The following GPR63 variants were observed in gnomAD, a reference collection of about 807,000 sequenced individuals.
The protein encoded by GPR63 is G protein-coupled receptor 63, also known as probable G protein-coupled receptor 63.
GPR63 carries 12 observed loss-of-function variants against 23.1 expected under a neutral mutation model. The observed-to-expected ratio is 0.52, with a 90% CI of 0.33 to 0.84. The LOEUF (loss-of-function observed/expected upper bound fraction) is 0.84, where lower values mean the gene tolerates loss of function less well. Ranked by LOEUF, GPR63 falls within the 40% of genes least tolerant of loss-of-function variation. GPR63 has a pLI of 0.02. For missense variants in GPR63, 472 were observed against 515.6 expected (o/e 0.92, Z 0.82); for synonymous variants, 172 against 191.1 (o/e 0.90, Z 0.82).
Position 96,798,485 on chromosome 6 carries a change from C to G in GPR63, c.1247G>C (p.Arg416Pro). Residue 416 changes from arginine (R) to proline (P), a missense_variant, in exon 2 of 2, where the codon CGG becomes CCG. Arg to Pro is a moderately radical substitution (Grantham distance 103). Transcript: ENST00000229955. ...CAGTTCCAATATTCACACCACCGTCCGATGTTCCCCACACACATAGACAGC... is the reference window on the plus strand; with the variant it reads ...CAGTTCCAATATTCACACCACCGTCGGATGTTCCCCACACACATAGACAGC... Reference protein sequence around the residue: ...PSAVYVCGEHRTVV With the variant: ...PSAVYVCGEHPTVV 6.2e-7 allele frequency: 1 copy of G among 1,612,518 alleles called. No individual in the cohort carries two copies. The highest frequency in any genetic ancestry group is 8.5e-7 in the Non-Finnish European group (1 of 1,178,740).
chr6:96,806,131 G>T (rs1344277735), intron 1 of GPR63, among the ~76,000 whole-genome samples: 1 of 152,194 alleles, frequency 6.6e-6, no homozygotes, highest in Non-Finnish European at 1.5e-5. Flanking sequence ...TCCATAGAAT[G>T]TTATGCTGTC....
chr6:96,824,392 A>C (rs1346015098), intron 1 of GPR63, among the ~76,000 whole-genome samples: 1 of 152,002 alleles, frequency 6.6e-6, no homozygotes, highest in Non-Finnish European at 1.5e-5. Flanking sequence ...GAATTCATCT[A>C]AACAAAATCT....
At position 96,799,532 on chromosome 6, in the gene GPR63, G is replaced by A. The variant is rs967832635; in HGVS notation, c.200C>T (p.Pro67Leu). ...GCTCTTAAATGCTGCTGGTGTTGTG[G>A]GCACAGCTGTACTATTCACGGTCAA... ...SSLTVNSTAVPTTPAAFKSLN... is the reference protein window; with the variant it reads ...SSLTVNSTAVLTTPAAFKSLN... The change falls in exon 2 of 2, where the codon CCC (proline) becomes CTC (leucine). Residue 67 changes from proline to leucine, a missense_variant. Coordinates refer to ENST00000229955, the MANE Select transcript of GPR63 (RefSeq NM_030784.4). 4.3e-6 allele frequency: 7 copies of A among 1,614,078 alleles called. No homozygotes were observed. The highest frequency in any genetic ancestry group is 1.3e-5 in the African/African-American group (1 of 75,020).
chr6:96,809,374 G>C (rs1773982086), intron 1 of GPR63, among the ~76,000 whole-genome samples: 1 of 152,106 alleles, frequency 6.6e-6, no homozygotes, highest in Non-Finnish European at 1.5e-5. Flanking sequence ...AGAGATAGGA[G>C]CACCACATTA....
intron 1 of GPR63, among the ~76,000 whole-genome samples, chr6:96,822,898 G>C (rs12215078): frequency 0.27 from 40,981 of 152,088 alleles, 5,575 homozygotes; most frequent in South Asian, 0.31. Context: ...TGACATTTTA[G>C]CTAAGGGCAG....
chr6:96,808,096 T>C (rs369787467), intron 1 of GPR63, among the ~76,000 whole-genome samples: 1 of 152,204 alleles, frequency 6.6e-6, no homozygotes, highest in African/African-American at 2.4e-5. Context: ...ATCACATGTA[T>C]GTTTTCAAAA....
chr6:96,810,587 T>A (rs1365414084), intron 1 of GPR63, among the ~76,000 whole-genome samples: 2 of 151,292 alleles, frequency 1.3e-5, no homozygotes, highest in South Asian at 4.2e-4. Flanking sequence ...TAGGTCAATC[T>A]AGAATAGTGA....
At chr6:96,817,470 A>G (rs532258808) in intron 1 of GPR63, among the ~76,000 whole-genome samples, 4 of 152,312 alleles carry the variant, frequency 2.6e-5, no homozygotes, top group Admixed American at 2.0e-4. Flanking sequence ...ATTTGTAGTT[A>G]TGCCTGCTCT....
chr6:96,831,050 A>G (rs965903287), intron 1 of GPR63, among the ~76,000 whole-genome samples: 2 of 152,236 alleles, frequency 1.3e-5, no homozygotes, highest in Non-Finnish European at 2.9e-5. Context: ...TAAACCTTCC[A>G]AATTTATTTT....
At chr6:96,831,053 T>A (rs1031132366) in intron 1 of GPR63, among the ~76,000 whole-genome samples, 1 of 152,198 alleles carries the variant, frequency 6.6e-6, no homozygotes, top group Non-Finnish European at 1.5e-5. Flanking sequence ...ACCTTCCAAA[T>A]TTATTTTAAA....
intron 1 of GPR63, among the ~76,000 whole-genome samples, 192 bp downstream of exon 1, chr6:96,837,076 C>T (rs1293770556): frequency 1.3e-5 from 2 of 152,162 alleles, no homozygotes; most frequent in Non-Finnish European, 2.9e-5. Flanking sequence ...AACTCCAGTC[C>T]AGCTGCAAAA....
chr6:96,798,478 C>G lies in GPR63; in HGVS notation c.1254G>C (p.Val418=). 1 of 1,611,222 alleles carries G rather than the reference C, an allele frequency of 6.2e-7. No homozygotes were observed. Among genetic ancestry groups the G allele is most frequent in the Non-Finnish European group, 8.5e-7 (1 of 1,177,862 alleles). Residue 418 remains valine, a synonymous_variant, in exon 2 of 2, where the codon GTG becomes GTC. Coordinates refer to ENST00000229955, the MANE Select transcript of GPR63 (RefSeq NM_030784.4). ...TGTCAGCCAGTTCCAATATTCACACCACCGTCCGATGTTCCCCACACACAT... is the reference window on the plus strand; with the variant it reads ...TGTCAGCCAGTTCCAATATTCACACGACCGTCCGATGTTCCCCACACACAT... The part of the protein sequence containing the change: ...AVYVCGEHRT[V]V
At chr6:96,832,794 T>TAA (rs35478941) in intron 1 of GPR63, among the ~76,000 whole-genome samples, 11 of 148,044 alleles carry the variant, frequency 7.4e-5, no homozygotes, top group Admixed American at 2.7e-4. Flanking sequence ...AAATACAAGT[T>TAA]AAAAAAAAAA....
intron 1 of GPR63, among the ~76,000 whole-genome samples, chr6:96,811,096 G>A (rs1490827420): frequency 6.6e-6 from 1 of 152,082 alleles, no homozygotes; most frequent in Admixed American, 6.6e-5. Context: ...AGCTTCCCAG[G>A]GCTCCCAGCA....
In GPR63 at chr6:96,796,290, C is replaced by T. The variant is rs1024696222; in HGVS notation, c.*2182G>A. 2 of 152,176 alleles carry T rather than the reference C, an allele frequency of 1.3e-5. No individual in the cohort carries two copies. Among genetic ancestry groups the T allele is most frequent in the Non-Finnish European group, 2.9e-5 (2 of 68,036 alleles). The allele number at this position is 152,176 out of a possible 1,614,324, so 9.4% of individuals were successfully genotyped here. A position where few individuals can be genotyped will look rare whatever the true frequency, so the allele number is the denominator to read the frequency against. On this transcript the variant is annotated 3_prime_UTR_variant, in exon 2 of 2. Transcript: ENST00000229955. ...CTATACCCTAGTATAGAGGAAAGCA[C>T]ATTTGAGCTGGACAGGACGTTAGAG...
Position 96,799,853 on chromosome 6 carries a change from A to C in GPR63, c.-122T>G. On this transcript the variant is annotated 5_prime_UTR_variant, in exon 2 of 2. Transcript: ENST00000229955. ...AATACATTCTGGAAAATGGACAATG[A>C]GTTCCATCTTCCACAAGAGTCCTTT... The C allele has an allele frequency of 1.1e-6, 1 of 949,826 alleles. No individual in the cohort carries two copies. Among genetic ancestry groups the C allele is most frequent in the Non-Finnish European group, 1.7e-6 (1 of 602,642 alleles). 58.8% of individuals were successfully genotyped at this position (949,826 alleles called of 1,614,324 possible).
At chr6:96,828,648 T>G (rs971126953) in intron 1 of GPR63, among the ~76,000 whole-genome samples, 1 of 149,376 alleles carries the variant, frequency 6.7e-6, no homozygotes, top group Admixed American at 6.7e-5. Flanking sequence ...AAAAGCAGAA[T>G]AGAAAATACA....
At chr6:96,823,621 T>C (rs1219492062) in intron 1 of GPR63, among the ~76,000 whole-genome samples, 1 of 152,114 alleles carries the variant, frequency 6.6e-6, no homozygotes, top group East Asian at 1.9e-4. Flanking sequence ...CCTAGGTATA[T>C]TGTGTTTATA....
intron 1 of GPR63, 110 bp from the exon 2 acceptor site, chr6:96,799,991 C>G (rs1016083203): frequency 2.1e-6 from 1 of 479,372 alleles, no homozygotes; most frequent in African/African-American, 1.9e-5. Flanking sequence ...TCTTTTTGAC[C>G]GTTTAAAAAT....
Sources: gnomAD v4.1 joint callset for allele counts (sites outside exome capture counted in the v4.1 genomes callset) on GRCh38, gnomAD v4.1.1 for gene constraint, MANE v1.5 for transcripts, NCBI Gene and HGNC (gene_info 2026-07-23, HGNC 2026-07-21) for gene names.